PCDHGA3: variants seen among roughly 807,000 people sequenced by gnomAD.
The protein encoded by PCDHGA3 is protocadherin gamma subfamily A, 3, also known as protocadherin gamma-A3.
Under a neutral mutation model 58.5 loss-of-function variants are expected in PCDHGA3, and 40 were observed. The ratio of observed to expected loss-of-function variants is 0.68; its 90% CI spans 0.53 to 0.89. The LOEUF (loss-of-function observed/expected upper bound fraction) is 0.89, where lower values mean the gene tolerates loss of function less well. Ranked by LOEUF, PCDHGA3 falls within the 40% of genes least tolerant of loss-of-function variation. The pLI, the probability that PCDHGA3 is intolerant of heterozygous loss-of-function variation, is 0.00. For synonymous variants in PCDHGA3, 530 were observed against 525.7 expected, an observed-to-expected ratio of 1.01 and a Z score of -0.11; for missense variants, 1,223 against 1,195.9, an observed-to-expected ratio of 1.02 and a Z score of -0.33.
chr5:141,345,083 G>A lies in PCDHGA3; in HGVS notation c.1050G>A (p.Thr350=), dbSNP rs766204587. The A allele has an allele frequency of 3.7e-6, 6 of 1,613,942 alleles. No individual in the cohort carries two copies. The South Asian group carries it at 6.6e-5, about 18-fold the overall frequency. The change falls in exon 1 of 4, where the codon ACG becomes ACA. Residue 350 remains threonine (T), a synonymous_variant. Coordinates refer to ENST00000253812, the MANE Select transcript of PCDHGA3 (RefSeq NM_018916.4). ...ACAATGCTCCAGAAATTACAATCACGTCTCTCACAAGCTCAGTCCCAGAAG... is the reference window on the plus strand; with the variant it reads ...ACAATGCTCCAGAAATTACAATCACATCTCTCACAAGCTCAGTCCCAGAAG... ...VNDNAPEITI[T]SLTSSVPEEG...
intron 1 of PCDHGA3, chr5:141,410,087 G>C (rs1427716409): frequency 6.2e-7 from 1 of 1,612,364 alleles, no homozygotes; most frequent in Admixed American, 1.7e-5. Context: ...GGTGCGCACG[G>C]CTCGAGCCTT....
At chr5:141,501,313 ACAC>A (rs2099807743) in intron 2 of PCDHGA3, among the ~76,000 whole-genome samples, 1 of 151,686 alleles carries the variant, frequency 6.6e-6, no homozygotes, top group Non-Finnish European at 1.5e-5. Context: ...ACACACACAC[ACAC>A]ACACACACAC....
intron 1 of PCDHGA3, chr5:141,384,884 T>C (rs759644846): frequency 6.2e-7 from 1 of 1,613,846 alleles, no homozygotes; most frequent in East Asian, 2.2e-5. Context: ...ACACTCACCG[T>C]GGCTGTGGCT....
At chr5:141,352,028 G>C (rs1433594846) in intron 1 of PCDHGA3, 1 of 1,609,284 alleles carries the variant, frequency 6.2e-7, no homozygotes, top group Non-Finnish European at 8.5e-7. Context: ...GGTGGTGGCG[G>C]TGGACGCAGA....
chr5:141,374,444 G>A (rs1371044841), intron 1 of PCDHGA3: 1 of 1,613,848 alleles, frequency 6.2e-7, no homozygotes, highest in Non-Finnish European at 8.5e-7. Flanking sequence ...TCCCGTGGAA[G>A]TGGAAATAGT....
chr5:141,494,537 G>C (rs2099755111), intron 1 of PCDHGA3, among the ~76,000 whole-genome samples: 1 of 152,168 alleles, frequency 6.6e-6, no homozygotes, highest in Non-Finnish European at 1.5e-5. Flanking sequence ...TGGGGGCAGG[G>C]AGGAAGGGGC....
At position 141,423,482 on chromosome 5, in the gene PCDHGA3, A is replaced by T. The variant is rs553914622; in HGVS notation, c.2425-71325A>T. On this transcript the variant is annotated intron_variant, in intron 1 of 3. Transcript: ENST00000253812. ...GTGGACGGGGTACAGGCTTTCCTGC[A>T]AACCTATTCCCACGAGGTCTCTCTC... is the stretch of plus-strand genomic sequence containing the variant. 1.1e-5 allele frequency: 17 copies of T among 1,613,968 alleles called. No homozygotes were observed. The African/African-American group carries it at 2.3e-4, about 22-fold the overall frequency.
chr5:141,364,209 C>G, intron 1 of PCDHGA3: 1 of 1,214,680 alleles, frequency 8.2e-7, no homozygotes, highest in East Asian at 2.6e-5. Flanking sequence ...CAGACAAGCT[C>G]CTACGAAAAG....
chr5:141,371,018 C>T (rs750315441), intron 1 of PCDHGA3: 17 of 1,613,876 alleles, frequency 1.1e-5, no homozygotes, highest in Non-Finnish European at 1.3e-5. Flanking sequence ...AGCCACATCA[C>T]CACCTGGTCC....
chr5:141,356,868 C>T (rs756682784), intron 1 of PCDHGA3: 12 of 1,614,088 alleles, frequency 7.4e-6, no homozygotes, highest in South Asian at 2.2e-5. Flanking sequence ...TGGACCAGAA[C>T]GACAATGTCC....
chr5:141,352,707 C>A, intron 1 of PCDHGA3: 1 of 1,542,998 alleles, frequency 6.5e-7, no homozygotes, highest in Non-Finnish European at 8.7e-7. Flanking sequence ...TTATATATGG[C>A]GGCCGGGCGC....
chr5:141,487,100 C>A lies in PCDHGA3; in HGVS notation c.2425-7707C>A. ...CCCAGCTGACCTCCCACCACAGAAGCTGGTCATTGTGGTAAAGGATAGTGG... is the reference window on the plus strand; with the variant it reads ...CCCAGCTGACCTCCCACCACAGAAGATGGTCATTGTGGTAAAGGATAGTGG... On this transcript the variant is annotated intron_variant, in intron 1 of 3. Coordinates refer to ENST00000253812, the MANE Select transcript of PCDHGA3 (RefSeq NM_018916.4). This position sits in a 1 kb window ranked among gnomAD's most constrained non-coding sequence, Gnocchi z 5.0. The A allele has an allele frequency of 1.2e-6, 2 of 1,614,076 alleles. No homozygotes were observed. The highest frequency in any genetic ancestry group is 1.7e-6 in the Non-Finnish European group (2 of 1,179,960).
chr5:141,345,416 T>C lies in PCDHGA3; in HGVS notation c.1383T>C (p.Ile461=). 2 of 1,613,780 alleles carry C rather than the reference T, an allele frequency of 1.2e-6. No individual in the cohort carries two copies. The highest frequency in any genetic ancestry group is 1.7e-6 in the Non-Finnish European group (2 of 1,179,964). ...CTCATTTATCCTACTCCGCCTACATTCCAGAAAACAACCCCAGAGGAGCCT... is the reference window on the plus strand; with the variant it reads ...CTCATTTATCCTACTCCGCCTACATCCCAGAAAACAACCCCAGAGGAGCCT... ...TFPHLSYSAY[I]PENNPRGASI... is the part of the protein sequence containing the mutation. The change falls in exon 1 of 4, where the codon ATT becomes ATC. Residue 461 remains isoleucine, a synonymous_variant. Coordinates refer to ENST00000253812, the MANE Select transcript of PCDHGA3 (RefSeq NM_018916.4).
chr5:141,352,253 C>G lies in PCDHGA3; in HGVS notation c.2424+5796C>G, dbSNP rs752340715. 5 of 1,614,100 alleles carry G rather than the reference C, an allele frequency of 3.1e-6. No homozygotes were observed. The Admixed American group carries it at 5.0e-5, about 16-fold the overall frequency. On this transcript the variant is annotated intron_variant, in intron 1 of 3. Transcript: ENST00000253812. ...GCACCTAATCTTCGCGGATAGCCTG[C>G]AAGAGGTATTGCCAGACCTCAGCGA...
At chr5:141,370,526 C>G in intron 1 of PCDHGA3, 1 of 1,613,860 alleles carries the variant, frequency 6.2e-7, no homozygotes, top group Non-Finnish European at 8.5e-7. Flanking sequence ...TGGACAGGGG[C>G]TCGCTGGTAG....
chr5:141,352,088 C>T lies in PCDHGA3; in HGVS notation c.2424+5631C>T, dbSNP rs1041133443. 6.2e-7 allele frequency: 1 copy of T among 1,605,026 alleles called. No individual in the cohort carries two copies. The highest frequency in any genetic ancestry group is 1.3e-5 in the African/African-American group (1 of 74,762). Reference sequence around the variant, plus strand: ...CTACCACGTGCTGCAGGCCAGCGAGCCCGGGCTCTTCAGCCTGGGGTTGCG... The same window carrying T: ...CTACCACGTGCTGCAGGCCAGCGAGTCCGGGCTCTTCAGCCTGGGGTTGCG... On this transcript the variant is annotated intron_variant, in intron 1 of 3. Transcript: ENST00000253812.
chr5:141,344,530 C>T lies in PCDHGA3; in HGVS notation c.497C>T (p.Ser166Phe). ...TAFDPDVGIN[S>F]LQNYKLSPND... ...TTTGACCCAGATGTAGGCATTAACT[C>T]CCTGCAGAACTACAAGCTTAGCCCC... The change falls in exon 1 of 4, where the codon TCC becomes TTC. Residue 166 changes from serine to phenylalanine, a missense_variant. Ser to Phe is a radical substitution (Grantham distance 155). This residue lies in a region of PCDHGA3 where 791 missense variants were observed against 708.5 expected (regional missense o/e 1.12). Transcript: ENST00000253812. 6.2e-7 allele frequency: 1 copy of T among 1,614,008 alleles called. No individual in the cohort carries two copies. The highest frequency in any genetic ancestry group is 8.5e-7 in the Non-Finnish European group (1 of 1,179,888).
At chr5:141,412,779 C>A (rs966431850) in intron 1 of PCDHGA3, among the ~76,000 whole-genome samples, 6 of 152,168 alleles carry the variant, frequency 3.9e-5, no homozygotes, top group Non-Finnish European at 7.3e-5. Context: ...ACAATATTTT[C>A]ACTCCACTTT....
In PCDHGA3 at chr5:141,432,198, AC is replaced by A. The variant is rs1345236539; in HGVS notation, c.2425-62608del. ...GTCTCTGTGACCGCCCACGACCCCG[AC>A]TGTGAAGAGAACGCCCAGATCACTT... is the stretch of plus-strand genomic sequence containing the variant. On this transcript the variant is annotated intron_variant, in intron 1 of 3. Coordinates refer to ENST00000253812, the MANE Select transcript of PCDHGA3 (RefSeq NM_018916.4). This position sits in a 1 kb window ranked among gnomAD's most constrained non-coding sequence, Gnocchi z 6.0. 6 of 1,613,998 alleles carry A rather than the reference AC, an allele frequency of 3.7e-6. No homozygotes were observed. Among genetic ancestry groups the A allele is most frequent in the Non-Finnish European group, 4.2e-6 (5 of 1,180,030 alleles).
Sources: gnomAD v4.1 joint callset for allele counts (sites outside exome capture counted in the v4.1 genomes callset) on GRCh38, gnomAD v4.1.1 for gene constraint, gnomAD v4.1.1 regional missense constraint, Gnocchi (gnomAD v3.1) non-coding constraint, MANE v1.5 for transcripts, NCBI Gene and HGNC (gene_info 2026-07-23, HGNC 2026-07-21) for gene names.